IFT122: variants seen among roughly 807,000 people sequenced by gnomAD.
The protein encoded by IFT122 is intraflagellar transport 122, also known as intraflagellar transport protein 122 homolog.
A neutral mutation model predicts 161.6 loss-of-function variants in IFT122; 118 were observed. The ratio of observed to expected loss-of-function variants is 0.73; its 90% CI spans 0.63 to 0.85. IFT122 has a LOEUF of 0.85. Among genes scored for constraint, IFT122 ranks in the 40% least tolerant of loss-of-function variants. The pLI is 0.00. For synonymous variants in IFT122, 550 were observed against 602.4 expected, an observed-to-expected ratio of 0.91 and a Z score of 1.27; for missense variants, 1,381 against 1,579.6, an observed-to-expected ratio of 0.87 and a Z score of 2.13.
intron 1 of IFT122, among the ~76,000 whole-genome samples, chr3:129,449,502 A>G (rs2074481150): frequency 6.6e-6 from 1 of 152,246 alleles, no homozygotes; most frequent in Admixed American, 6.5e-5. Flanking sequence ...CCTGGCACCT[A>G]AGAGGGACTC....
intron 23 of IFT122, 112 bp downstream of exon 23, chr3:129,507,874 A>T: frequency 2.4e-6 from 2 of 827,954 alleles, no homozygotes; most frequent in South Asian, 2.7e-5. Context: ...GTCACAGTGA[A>T]CTGCTGAGGA....
At chr3:129,461,106 A>C in intron 4 of IFT122, 122 bp from the exon 5 acceptor site, 1 of 960,142 alleles carries the variant, frequency 1.0e-6, no homozygotes, top group Non-Finnish European at 1.7e-6. Context: ...TTTGTTGGTC[A>C]CTTGCAGAAG....
rs750864260 is a variant in IFT122, at chr3:129,477,992, A to G, written c.1148-24A>G. 5 of 1,601,606 alleles carry G rather than the reference A, an allele frequency of 3.1e-6. No individual in the cohort carries two copies. The Admixed American group carries it at 5.0e-5, about 16-fold the overall frequency. On this transcript the variant is annotated intron_variant, in intron 11 of 29. Coordinates refer to ENST00000348417, the MANE Select transcript of IFT122 (RefSeq NM_052989.3). ...CCTTACATAACAACCTCTTGCTAGA[A>G]CTAGATATTTTTTTCTTTGACAGTT... is the stretch of plus-strand genomic sequence containing the variant.
intron 7 of IFT122, among the ~76,000 whole-genome samples, chr3:129,465,465 C>CTTTT (rs61439083): frequency 2.4e-4 from 24 of 101,234 alleles, no homozygotes; most frequent in African/African-American, 4.2e-4. Context: ...ATTATATGCT[C>CTTTT]TTTTTTTTTT....
chr3:129,499,776 CCCTGCCTACCT>C (rs1361935398), intron 18 of IFT122, 115 bp from the exon 19 acceptor site: 1 of 1,117,272 alleles, frequency 9.0e-7, no homozygotes, highest in African/African-American at 1.5e-5. Flanking sequence ...CAGGGCCGGG[CCCTGCCTACCT>C]CCTGGTTGCC....
intron 16 of IFT122, among the ~76,000 whole-genome samples, chr3:129,488,781 A>C (rs1334492124): frequency 6.6e-6 from 1 of 151,992 alleles, no homozygotes; most frequent in Admixed American, 6.6e-5. Flanking sequence ...GGCTTTTATT[A>C]TCGGTGTAGT....
At chr3:129,514,325 G>C in intron 24 of IFT122, 64 bp from the exon 25 acceptor site, 1 of 1,576,000 alleles carries the variant, frequency 6.3e-7, no homozygotes, top group African/African-American at 1.4e-5. Context: ...TCACTCCAAG[G>C]ACAGGCAGTG....
chr3:129,475,675 A>G (rs67904005), intron 9 of IFT122, among the ~76,000 whole-genome samples: 13,776 of 151,796 alleles, frequency 0.091, 696 homozygotes, highest in South Asian at 0.13. Context: ...TTTGCCAGGC[A>G]TGGTGGCACT....
Position 129,459,744 on chromosome 3 carries a change from T to TCC in IFT122, c.272+1068_272+1069insCC, listed in dbSNP as rs762948237. ...TCCTTCCTTCCCTCCCTCCCTCCCT[T>TCC]CTTCCTTCCTTCCTTCCTTCCTTCC... On this transcript the variant is annotated intron_variant, in intron 4 of 29. Coordinates refer to ENST00000348417, the MANE Select transcript of IFT122 (RefSeq NM_052989.3). Among the ~76,000 whole-genome samples the TCC allele has an allele frequency of 2.0e-5, 2 of 98,564 alleles. 1 individual carries two copies. The allele number at this position is 98,564 out of a possible 152,430, so 64.7% of individuals were successfully genotyped here. A position where few individuals can be genotyped will look rare whatever the true frequency, so the allele number is the denominator to read the frequency against.
chr3:129,469,722 C>T (rs1317115546), intron 9 of IFT122, among the ~76,000 whole-genome samples: 1 of 152,106 alleles, frequency 6.6e-6, no homozygotes. Context: ...GGAGTTAAAC[C>T]CAGGTTGGTT....
intron 8 of IFT122, among the ~76,000 whole-genome samples, chr3:129,468,706 C>G (rs572948331): frequency 1.3e-5 from 2 of 152,312 alleles, no homozygotes; most frequent in East Asian, 3.9e-4. Context: ...GGGAGTTTCT[C>G]CTGTGTGCTG....
chr3:129,511,358 C>T (rs1420109950), intron 23 of IFT122, among the ~76,000 whole-genome samples: 2 of 152,178 alleles, frequency 1.3e-5, no homozygotes, highest in Non-Finnish European at 2.9e-5. Flanking sequence ...ATAGAAAATG[C>T]TAAGCTCTGA....
chr3:129,514,584 C>A (rs1193597952), intron 25 of IFT122, 30 bp downstream of exon 25: 1 of 1,613,524 alleles, frequency 6.2e-7, no homozygotes, highest in Non-Finnish European at 8.5e-7. Context: ...GGGCAGGTGG[C>A]TTCTCCTCTC....
intron 3 of IFT122, among the ~76,000 whole-genome samples, chr3:129,455,898 T>C (rs1021608467): frequency 6.6e-6 from 1 of 150,618 alleles, no homozygotes; most frequent in Non-Finnish European, 1.5e-5. Context: ...TTGAATAGGC[T>C]GAGGAGGAGG....
At chr3:129,443,525 A>G (rs2073552577) in intron 1 of IFT122, among the ~76,000 whole-genome samples, 1 of 152,258 alleles carries the variant, frequency 6.6e-6, no homozygotes, top group South Asian at 2.1e-4. Context: ...GATGGACTGC[A>G]TGACAAGGTC....
intron 3 of IFT122, chr3:129,456,339 C>T: frequency 8.9e-7 from 1 of 1,120,356 alleles, no homozygotes; most frequent in Non-Finnish European, 1.1e-6. Context: ...ACTATTTCAG[C>T]TACTGTAAAA....
intron 1 of IFT122, among the ~76,000 whole-genome samples, chr3:129,442,816 C>T (rs945518838): frequency 9.2e-5 from 14 of 152,176 alleles, no homozygotes; most frequent in Admixed American, 5.9e-4. Context: ...GCTAGAGGGT[C>T]CTCCTGACCC....
intron 9 of IFT122, among the ~76,000 whole-genome samples, chr3:129,475,609 G>A (rs1338249298): frequency 3.9e-5 from 6 of 152,070 alleles, no homozygotes; most frequent in Non-Finnish European, 8.8e-5. Context: ...CCAAGATGGC[G>A]CCACTGCACT....
chr3:129,489,838 TAAA>T (rs1220023680), intron 16 of IFT122, among the ~76,000 whole-genome samples: 3 of 117,114 alleles, frequency 2.6e-5, no homozygotes, highest in Non-Finnish European at 1.8e-5. Context: ...GACTCTGACT[TAAA>T]AAAAAAAAAA....
Sources: allele counts gnomAD v4.1 joint callset (sites outside exome capture counted in the v4.1 genomes callset), GRCh38; gene constraint gnomAD v4.1.1; transcripts MANE v1.5; gene names NCBI Gene and HGNC (gene_info 2026-07-23, HGNC 2026-07-21).